LDB2: variants seen among roughly 807,000 people sequenced by gnomAD.
LDB2 encodes LIM domain binding 2, also known as LIM domain-binding protein 2.
A neutral mutation model predicts 44.3 loss-of-function variants in LDB2; 12 were observed. The ratio of observed to expected loss-of-function variants is 0.27; its 90% CI spans 0.17 to 0.44. The LOEUF (loss-of-function observed/expected upper bound fraction) is 0.44. LDB2 is among the 20% of genes least tolerant of loss of function. LDB2 has a pLI of 1.00. For synonymous variants in LDB2, 164 were observed against 174.8 expected (o/e 0.94, Z 0.49); for missense variants, 344 against 473.5 (o/e 0.73, Z 2.54).
chr4:16,763,073 C>CCA (rs57168902), intron 1 of LDB2, among the ~76,000 whole-genome samples: 2,794 of 140,156 alleles, frequency 0.02, 63 homozygotes, highest in African/African-American at 0.055. Context: ...TTAGGTAACA[C>CCA]CACACACACA....
At chr4:16,850,477 T>C (rs1199143270) in intron 1 of LDB2, among the ~76,000 whole-genome samples, 1 of 152,220 alleles carries the variant, frequency 6.6e-6, no homozygotes, top group Admixed American at 6.5e-5. Flanking sequence ...TAGATAGATA[T>C]TTAATTTACA....
chr4:16,739,573 GAAAA>G (rs577466407), intron 2 of LDB2, among the ~76,000 whole-genome samples: 865 of 37,250 alleles, frequency 0.023, 43 homozygotes, highest in African/African-American at 0.056. Flanking sequence ...GTGACAGAGG[GAAAA>G]AAAAAAAAAA....
rs138370563 is a variant in LDB2, at chr4:16,544,050, T to C, written c.616-31946A>G. Among the ~76,000 whole-genome samples the C allele has an allele frequency of 3.7e-4, 57 of 152,318 alleles. No homozygotes were observed. In the East Asian group the frequency reaches 0.01, roughly 28 times the overall value. On this transcript the variant is annotated intron_variant, in intron 5 of 7. Transcript: ENST00000304523. ...CAACACACAAAAATTAAATTCCTGCTTTTATGTGGAGACAAACAATAAACA... is the reference window on the plus strand; with the variant it reads ...CAACACACAAAAATTAAATTCCTGCCTTTATGTGGAGACAAACAATAAACA...
intron 7 of LDB2, 23 bp downstream of exon 7, chr4:16,508,512 C>G: frequency 6.6e-7 from 1 of 1,524,474 alleles, no homozygotes; most frequent in Non-Finnish European, 8.9e-7. Context: ...GGATTTCGGG[C>G]CTAAGAGGAA....
intron 2 of LDB2, among the ~76,000 whole-genome samples, chr4:16,658,011 T>G (rs1008107856): frequency 5.9e-5 from 9 of 152,208 alleles, no homozygotes; most frequent in African/African-American, 2.2e-4. Flanking sequence ...CTGTCGCAAT[T>G]TTATGTTACG....
chr4:16,730,146 C>T (rs1760430689), intron 2 of LDB2, among the ~76,000 whole-genome samples: 1 of 152,124 alleles, frequency 6.6e-6, no homozygotes, highest in Non-Finnish European at 1.5e-5. Flanking sequence ...GTAATACATC[C>T]TTCTTAGCCC....
At chr4:16,677,903 G>A (rs901044013) in intron 2 of LDB2, among the ~76,000 whole-genome samples, 6 of 152,164 alleles carry the variant, frequency 3.9e-5, no homozygotes, top group African/African-American at 1.4e-4. Context: ...TGCCAAATTT[G>A]GAACTGCCTG....
chr4:16,717,399 C>T (rs1395113424), intron 2 of LDB2, among the ~76,000 whole-genome samples: 1 of 151,968 alleles, frequency 6.6e-6, no homozygotes, highest in Non-Finnish European at 1.5e-5. Context: ...CCTCCAACCC[C>T]AATCATACCC....
intron 2 of LDB2, among the ~76,000 whole-genome samples, chr4:16,603,280 G>T (rs561510075): frequency 1.6e-4 from 24 of 152,310 alleles, no homozygotes; most frequent in Admixed American, 6.5e-4. Flanking sequence ...AGTCCATGCT[G>T]TGTTACTAAT....
At chr4:16,674,755 G>A (rs946834314) in intron 2 of LDB2, among the ~76,000 whole-genome samples, 2 of 151,700 alleles carry the variant, frequency 1.3e-5, no homozygotes, top group African/African-American at 4.8e-5. Flanking sequence ...CATTTTTAGA[G>A]AAAAAATTAA....
At chr4:16,702,892 A>G (rs769449259) in intron 2 of LDB2, among the ~76,000 whole-genome samples, 1 of 152,142 alleles carries the variant, frequency 6.6e-6, no homozygotes, top group Non-Finnish European at 1.5e-5. Context: ...TTGAATGCCT[A>G]TGTACTCTCT....
intron 1 of LDB2, among the ~76,000 whole-genome samples, chr4:16,766,484 G>GTGTGTGT (rs1415542175): frequency 7.7e-6 from 1 of 130,230 alleles, no homozygotes; most frequent in Non-Finnish European, 1.6e-5. Context: ...GTGTGTGTGT[G>GTGTGTGT]TGTGTGTGTG....
intron 1 of LDB2, among the ~76,000 whole-genome samples, chr4:16,881,269 T>C (rs1720014764): frequency 6.6e-6 from 1 of 152,202 alleles, no homozygotes; most frequent in African/African-American, 2.4e-5. Flanking sequence ...TCTTGCTACC[T>C]CTGAAGCCCT....
chr4:16,587,912 T>TA (rs5856369), intron 4 of LDB2, among the ~76,000 whole-genome samples: 2,178 of 151,692 alleles, frequency 0.014, 52 homozygotes, highest in African/African-American at 0.049. Flanking sequence ...CCTGGCAGAG[T>TA]AAAAAAAAAT....
rs73131703 is a variant in LDB2, at chr4:16,885,032, C to T, written c.132+13322G>A. Among the ~76,000 whole-genome samples, 513 of 151,582 alleles carry T rather than the reference C, an allele frequency of 3.4e-3. 4 individuals are homozygous for T. Among genetic ancestry groups the T allele is most frequent in the African/African-American group, 0.011 (448 of 41,252 alleles). ...CAACCTATGTTGTACTAGAAGCATACGTGTATGAGGCTTATTTTTAAAAAG... is the reference window on the plus strand; with the variant it reads ...CAACCTATGTTGTACTAGAAGCATATGTGTATGAGGCTTATTTTTAAAAAG... On this transcript the variant is annotated intron_variant, in intron 1 of 7. Coordinates refer to ENST00000304523, the MANE Select transcript of LDB2 (RefSeq NM_001290.5).
intron 1 of LDB2, among the ~76,000 whole-genome samples, chr4:16,799,223 C>T (rs1234910221): frequency 6.6e-6 from 1 of 152,232 alleles, no homozygotes; most frequent in Non-Finnish European, 1.5e-5. Flanking sequence ...AGCTCTCCAA[C>T]ATGAATGATG....
intron 1 of LDB2, among the ~76,000 whole-genome samples, chr4:16,803,379 A>G (rs1778214266): frequency 6.6e-6 from 1 of 152,224 alleles, no homozygotes; most frequent in South Asian, 2.1e-4. Flanking sequence ...ACTTCATAAA[A>G]ACTTTGTAGG....
chr4:16,807,947 G>A (rs1779091162), intron 1 of LDB2, among the ~76,000 whole-genome samples: 1 of 152,136 alleles, frequency 6.6e-6, no homozygotes, highest in African/African-American at 2.4e-5. Flanking sequence ...TTTAAATAAG[G>A]AGAAGGTACA....
At chr4:16,699,896 G>A (rs527557313) in intron 2 of LDB2, among the ~76,000 whole-genome samples, 1 of 152,162 alleles carries the variant, frequency 6.6e-6, no homozygotes, top group Non-Finnish European at 1.5e-5. Context: ...TGTACAGTAG[G>A]GGGGCCAGAT....
Sources: allele counts gnomAD v4.1 joint callset (sites outside exome capture counted in the v4.1 genomes callset), GRCh38; gene constraint gnomAD v4.1.1; transcripts MANE v1.5; gene names NCBI Gene and HGNC (gene_info 2026-07-23, HGNC 2026-07-21).